HSD17B12: variants seen among roughly 807,000 people sequenced by gnomAD.
The protein encoded by HSD17B12 is very-long-chain 3-oxoacyl-CoA reductase.
Under a neutral mutation model 39.3 loss-of-function variants are expected in HSD17B12, and 32 were observed. That is an observed-to-expected ratio of 0.81 (90% CI 0.61 to 1.09). The LOEUF is 1.09. Ranked by LOEUF, HSD17B12 falls within the 50% of genes least tolerant of loss-of-function variation. The pLI is 0.00. For synonymous variants in HSD17B12, 150 were observed against 146.7 expected, an observed-to-expected ratio of 1.02 and a Z score of -0.16; for missense variants, 342 against 382.9, an observed-to-expected ratio of 0.89 and a Z score of 0.89.
chr11:43,679,934 C>T (rs554022793), upstream of HSD17B12, among the ~76,000 whole-genome samples: 11 of 152,022 alleles, frequency 7.2e-5, no homozygotes, highest in Non-Finnish European at 1.3e-4. Flanking sequence ...AAGCCTTTAT[C>T]TGGAAAAGTT....
At chr11:43,584,100 A>T in the HSD17B12 span, among the ~76,000 whole-genome samples, 1 of 152,024 alleles carries the variant, frequency 6.6e-6, no homozygotes, top group Non-Finnish European at 1.5e-5. Flanking sequence ...GCTCACTCTG[A>T]CCACACCCTG....
chr11:43,766,258 G>T (rs529283610), intron 3 of HSD17B12, among the ~76,000 whole-genome samples: 151 of 152,284 alleles, frequency 9.9e-4, no homozygotes, highest in African/African-American at 3.5e-3. Flanking sequence ...AGACAGACTT[G>T]ACTGCTGGGC....
At chr11:43,629,077 C>G in the HSD17B12 span, among the ~76,000 whole-genome samples, 1 of 152,072 alleles carries the variant, frequency 6.6e-6, no homozygotes, top group East Asian at 1.9e-4. Flanking sequence ...CAATTTTTTT[C>G]CATTTTGGTG....
chr11:43,751,506 T>G (rs986879187), intron 2 of HSD17B12, among the ~76,000 whole-genome samples: 2 of 152,348 alleles, frequency 1.3e-5, no homozygotes, highest in African/African-American at 4.8e-5. Context: ...CCCTGCCTTC[T>G]GGTCCCTGTG....
intron 6 of HSD17B12, 110 bp from the exon 7 acceptor site, chr11:43,830,863 AGTG>A (rs1951302128): frequency 7.6e-6 from 6 of 794,034 alleles, no homozygotes; most frequent in Non-Finnish European, 1.3e-5. Flanking sequence ...TGTCTGTAGA[AGTG>A]GTGAATGGTT....
intron 1 of HSD17B12, among the ~76,000 whole-genome samples, chr11:43,743,934 G>A (rs1398163886): frequency 6.6e-6 from 1 of 152,170 alleles, no homozygotes; most frequent in Non-Finnish European, 1.5e-5. Context: ...ATTAGATAAT[G>A]GATCTATAAT....
chr11:43,676,208 G>GGGGTGTGTGTGTGTGT (rs1554958171), upstream of HSD17B12, among the ~76,000 whole-genome samples: 37 of 147,728 alleles, frequency 2.5e-4, no homozygotes, highest in African/African-American at 9.3e-4. Context: ...AGAGGAAGAG[G>GGGGTGTGTGTGTGTGT]GTGTGTGTGT....
intron 3 of HSD17B12, among the ~76,000 whole-genome samples, chr11:43,767,205 A>G (rs1172237314): frequency 1.5e-5 from 1 of 66,208 alleles, no homozygotes; most frequent in Non-Finnish European, 4.3e-5. Flanking sequence ...ACTTTTGTGT[A>G]AAAAAAAAAA....
intron 3 of HSD17B12, among the ~76,000 whole-genome samples, chr11:43,763,602 A>ATG (rs1491426134): frequency 1.4e-5 from 2 of 142,976 alleles, no homozygotes; most frequent in Admixed American, 1.4e-4. Flanking sequence ...ATATATATAT[A>ATG]AGGTTATCTT....
intron 1 of HSD17B12, among the ~76,000 whole-genome samples, chr11:43,698,015 C>A (rs1357634467): frequency 2.6e-5 from 4 of 152,080 alleles, no homozygotes; most frequent in African/African-American, 9.7e-5. Flanking sequence ...GGTTGGGAGA[C>A]CAGCAGGAGA....
the HSD17B12 span, among the ~76,000 whole-genome samples, chr11:43,605,615 G>T: frequency 6.7e-6 from 1 of 149,686 alleles, no homozygotes; most frequent in Non-Finnish European, 1.5e-5. Flanking sequence ...CTACTAAACA[G>T]GCTGTGTTGT....
chr11:43,774,435 G>A (rs1430917998), intron 3 of HSD17B12, among the ~76,000 whole-genome samples: 15 of 152,022 alleles, frequency 9.9e-5, no homozygotes, highest in African/African-American at 2.7e-4. Flanking sequence ...GGATGGTCTC[G>A]ATCTCCTGAC....
intron 1 of HSD17B12, among the ~76,000 whole-genome samples, chr11:43,711,710 A>G (rs1334537879): frequency 2.0e-5 from 3 of 151,874 alleles, no homozygotes; most frequent in South Asian, 4.2e-4. Flanking sequence ...CCTGGGCCCA[A>G]TTGATTTGTA....
chr11:43,720,095 C>G (rs958677606), intron 1 of HSD17B12, among the ~76,000 whole-genome samples: 10 of 152,158 alleles, frequency 6.6e-5, no homozygotes, highest in Non-Finnish European at 1.3e-4. Flanking sequence ...TTTTCAAGGT[C>G]TCAACAAAAG....
chr11:43,566,047 A>G, the HSD17B12 span, among the ~76,000 whole-genome samples: 1 of 152,170 alleles, frequency 6.6e-6, no homozygotes, highest in South Asian at 2.1e-4. Context: ...ATTTCCGAAT[A>G]CCAGTTTCTA....
intron 1 of HSD17B12, chr11:43,724,095 G>A (rs575741075): frequency 6.6e-6 from 1 of 152,248 alleles, no homozygotes; most frequent in East Asian, 1.9e-4. Flanking sequence ...ATGAGAAGCT[G>A]TTATAGATCA....
At chr11:43,792,743 A>T (rs1244816949) in intron 3 of HSD17B12, among the ~76,000 whole-genome samples, 1 of 132,254 alleles carries the variant, frequency 7.6e-6, no homozygotes, top group African/African-American at 3.0e-5. Context: ...GGCTGGTCTC[A>T]AACTGCAGGG....
chr11:43,742,728 A>G (rs898796676), intron 1 of HSD17B12, among the ~76,000 whole-genome samples: 1 of 151,070 alleles, frequency 6.6e-6, no homozygotes, highest in Non-Finnish European at 1.5e-5. Flanking sequence ...TGGCTAAGAG[A>G]GGCCCAGGAT....
At chr11:43,819,477 A>T (rs1405498427) in intron 6 of HSD17B12, among the ~76,000 whole-genome samples, 2 of 152,180 alleles carry the variant, frequency 1.3e-5, no homozygotes, top group Non-Finnish European at 2.9e-5. Context: ...CTGCTTAAAG[A>T]CCAAATAGGG....
Sources: allele counts gnomAD v4.1 joint callset (sites outside exome capture counted in the v4.1 genomes callset), GRCh38; gene constraint gnomAD v4.1.1; transcripts MANE v1.5; gene names NCBI Gene and HGNC (gene_info 2026-07-23, HGNC 2026-07-21).